The following KRT72 variants were observed in gnomAD, a reference collection of about 807,000 sequenced individuals.
The protein encoded by KRT72 is keratin 72, also known as keratin, type II cytoskeletal 72.
A neutral mutation model predicts 44.7 loss-of-function variants in KRT72; 44 were observed. That is an observed-to-expected ratio of 0.98 (90% confidence interval 0.77 to 1.27). The LOEUF is 1.27. Among genes scored for constraint, KRT72 ranks in the 50% most tolerant of loss-of-function variants. The pLI is 0.00. For synonymous variants in KRT72, 302 were observed against 280.4 expected (o/e 1.08, Z -0.77); for missense variants, 736 against 667.1 (o/e 1.10, Z -1.14).
In KRT72 at chr12:52,591,565, G is replaced by C. The variant is rs756736404; in HGVS notation, c.862C>G (p.Arg288Gly). The change falls in exon 5 of 9, where the codon CGG (arginine) becomes GGG (glycine). Residue 288 changes from arginine (R) to glycine (G), a missense_variant. Arg to Gly is a moderately radical substitution (Grantham distance 125, BLOSUM62 -2). Transcript: ENST00000293745. ...ATGATGCTGTCCAGGTCCAGATCCC[G>C]GTTGTTGTCCATTGACAGGACGATG... ...TSIVLSMDNN[R>G]DLDLDSIIAE... 6.2e-7 allele frequency: 1 copy of C among 1,613,992 alleles called. No individual in the cohort carries two copies. The highest frequency in any genetic ancestry group is 8.5e-7 in the Non-Finnish European group (1 of 1,179,892).
At chr12:52,592,284 G>C in intron 4 of KRT72, 112 bp downstream of exon 4, 1 of 751,962 alleles carries the variant, frequency 1.3e-6, no homozygotes, top group South Asian at 1.5e-5. Context: ...AGGGGCACCA[G>C]GTTGAAAGCT....
chr12:52,591,314 G>T (rs538335907), intron 5 of KRT72, 150 bp downstream of exon 5: 1 of 819,942 alleles, frequency 1.2e-6, no homozygotes, highest in Non-Finnish European at 1.8e-6. Flanking sequence ...TGGCATTTCC[G>T]CAAGGCCCAA....
chr12:52,595,284 ATAAT>A (rs1940194630), intron 2 of KRT72, among the ~76,000 whole-genome samples: 1 of 152,116 alleles, frequency 6.6e-6, no homozygotes, highest in Non-Finnish European at 1.5e-5. Flanking sequence ...ATTACAATGA[ATAAT>A]TAAAAGTTAA....
chr12:52,601,644 G>A, upstream of KRT72: 3 of 598,764 alleles, frequency 5.0e-6, no homozygotes, highest in Non-Finnish European at 8.6e-6. Flanking sequence ...CACTCACCGA[G>A]ATTTTTGTCT....
chr12:52,594,197 G>A (rs1474686394), intron 2 of KRT72, among the ~76,000 whole-genome samples: 1 of 152,216 alleles, frequency 6.6e-6, no homozygotes, highest in African/African-American at 2.4e-5. Context: ...ACTGTTGAGT[G>A]TGGCAATTCC....
At position 52,591,625 on chromosome 12, in the gene KRT72, T is replaced by A; in HGVS notation, c.802A>T (p.Ile268Phe). The stretch of plus-strand genomic sequence containing the variant: ...CTGATGTGGGACTGGATCTGAGTGA[T>A]CTCCTGGGGACGGTTGGGGGAGGGG... The part of the protein sequence containing the change: ...KFFKCLYEGE[I>F]TQIQSHISDT... Residue 268 changes from isoleucine to phenylalanine, a missense_variant, in exon 5 of 9, where the codon ATC becomes TTC. Physicochemically the swap from Ile to Phe is conservative, Grantham distance 21 (BLOSUM62 0). Coordinates refer to ENST00000293745, the MANE Select transcript of KRT72 (RefSeq NM_080747.3). 1.2e-6 allele frequency: 2 copies of A among 1,610,048 alleles called. No individual in the cohort carries two copies. The highest frequency in any genetic ancestry group is 2.2e-5 in the East Asian group (1 of 44,782).
chr12:52,588,652 C>A (rs1451417560), intron 6 of KRT72, among the ~76,000 whole-genome samples: 1 of 152,058 alleles, frequency 6.6e-6, no homozygotes. Context: ...CTGCACATCC[C>A]GTACATGTAC....
Position 52,601,313 on chromosome 12 carries a change from T to G in KRT72, c.140A>C (p.Lys47Thr). The G allele has an allele frequency of 6.5e-7, 1 of 1,547,724 alleles. No homozygotes were observed. ...RVKGSASFGS[K>T]SLSCLGGSRS... ...GCTGCCCCCAAGGCAGGAGAGGCTC[T>G]TGCTGCCAAAGGAGGCCGAGCCCTT... is the stretch of plus-strand genomic sequence containing the variant. Residue 47 changes from lysine (K) to threonine (T), a missense_variant, in exon 1 of 9, where the codon AAG becomes ACG. Physicochemically the swap from Lys to Thr is moderately conservative, Grantham distance 78 (BLOSUM62 -1). Coordinates refer to ENST00000293745, the MANE Select transcript of KRT72 (RefSeq NM_080747.3).
intron 6 of KRT72, among the ~76,000 whole-genome samples, chr12:52,588,918 T>G (rs1183835777): frequency 2.6e-5 from 4 of 152,046 alleles, no homozygotes; most frequent in Non-Finnish European, 5.9e-5. Flanking sequence ...GAGAGTCACT[T>G]GAACCCAGGA....
chr12:52,601,057 T>C lies in KRT72; in HGVS notation c.396A>G (p.Leu132=), dbSNP rs556488312. The C allele has an allele frequency of 1.2e-5, 20 of 1,612,140 alleles. No individual in the cohort carries two copies. In the South Asian group the frequency reaches 1.9e-4, roughly 15 times the overall value. The change falls in exon 1 of 9, where the codon CTA becomes CTG. Residue 132 remains leucine, a synonymous_variant. Transcript: ENST00000293745. ...RAQEREQIKA[L]NNKFASFIDK... ...CGATGAAGGAGGCGAACTTGTTGTT[T>C]AGCGCCTTGATCTGCTCCCGCTCCT... is the stretch of plus-strand genomic sequence containing the variant.
At chr12:52,595,108 GAA>G (rs1207833694) in intron 2 of KRT72, among the ~76,000 whole-genome samples, 2 of 152,014 alleles carry the variant, frequency 1.3e-5, no homozygotes, top group African/African-American at 4.8e-5. Flanking sequence ...AAAATACATA[GAA>G]AACTTTTGAC....
chr12:52,601,211 C>A lies in KRT72; in HGVS notation c.242G>T (p.Ser81Ile). The A allele has an allele frequency of 6.2e-7, 1 of 1,608,598 alleles. No individual in the cohort carries two copies. The highest frequency in any genetic ancestry group is 1.1e-5 in the South Asian group (1 of 90,708). ...LGGFVGTAFGSAGLGPKCPSV... is the reference protein window; with the variant it reads ...LGGFVGTAFGIAGLGPKCPSV... The stretch of plus-strand genomic sequence containing the variant: ...GGGACACTTGGGCCCCAGCCCGGCG[C>A]TGCCGAAGGCGGTGCCCACGAAGCC... Residue 81 changes from serine (S) to isoleucine (I), a missense_variant, in exon 1 of 9, where the codon AGC becomes ATC. Coordinates refer to ENST00000293745, the MANE Select transcript of KRT72 (RefSeq NM_080747.3).
chr12:52,592,315 T>A, intron 4 of KRT72, 81 bp downstream of exon 4: 1 of 982,920 alleles, frequency 1.0e-6, no homozygotes, highest in Non-Finnish European at 1.6e-6. Flanking sequence ...CAATTCTTGG[T>A]CCACACCACC....
chr12:52,594,027 T>C (rs913742988), intron 2 of KRT72, among the ~76,000 whole-genome samples: 8 of 152,228 alleles, frequency 5.3e-5, no homozygotes. Context: ...ATGGTTAAGA[T>C]GGTAAATTTT....
intron 1 of KRT72, 54 bp downstream of exon 1, chr12:52,600,973 C>G: frequency 6.3e-7 from 1 of 1,576,492 alleles, no homozygotes; most frequent in Non-Finnish European, 8.6e-7. Flanking sequence ...GCAGAGCCAG[C>G]ACCACTGTGC....
rs373611213 is a variant in KRT72, at chr12:52,585,767, C to T, written c.*215G>A. Reference sequence around the variant, plus strand: ...CTTTGCATTTCAGGCAATGACCCAACGAAACGGGACCAAGAAGGAGGCCAC... The same window carrying T: ...CTTTGCATTTCAGGCAATGACCCAATGAAACGGGACCAAGAAGGAGGCCAC... On this transcript the variant is annotated 3_prime_UTR_variant, in exon 9 of 9. Transcript: ENST00000293745. 2.8e-5 allele frequency: 15 copies of T among 537,698 alleles called. No homozygotes were observed. The highest frequency in any genetic ancestry group is 7.6e-5 in the African/African-American group (4 of 52,466). 33.3% of individuals were successfully genotyped at this position (537,698 alleles called of 1,614,324 possible).
At chr12:52,598,741 T>C (rs1940304437) in intron 2 of KRT72, among the ~76,000 whole-genome samples, 157 bp downstream of exon 2, 1 of 152,146 alleles carries the variant, frequency 6.6e-6, no homozygotes, top group Admixed American at 6.5e-5. Context: ...GGAGAACCGG[T>C]GTAGGTAGAT....
In KRT72 at chr12:52,587,801, G is replaced by T. The variant is rs199978375; in HGVS notation, c.1140C>A (p.Cys380Ter). The change falls in exon 7 of 9, where the codon TGC (cysteine) becomes TGA (stop). Residue 380 changes from cysteine (C) to a stop codon, truncating the protein, a stop_gained. Transcript: ENST00000293745. LOFTEE classifies it high-confidence loss of function. ...AIADAEQRGD[C>*]ALKDARAKLD... ...GCTTGGCCCGGGCATCTTTCAGGGC[G>T]CAGTCCCCCCGCTGTTCAGCGTCGG... The T allele has an allele frequency of 8.1e-6, 13 of 1,614,162 alleles. No individual in the cohort carries two copies. Among genetic ancestry groups the T allele is most frequent in the Non-Finnish European group, 1.1e-5 (13 of 1,180,022 alleles).
Position 52,601,332 on chromosome 12 carries a change from A to C in KRT72, c.121T>G (p.Ser41Ala). The C allele has an allele frequency of 6.5e-7, 1 of 1,545,810 alleles. No individual in the cohort carries two copies. ...AGGCTCTTGCTGCCAAAGGAGGCCG[A>C]GCCCTTGACCCGGGCCCGGAATGAG... ...SASFRARVKGSASFGSKSLSC... is the reference protein window; with the variant it reads ...SASFRARVKGAASFGSKSLSC... Residue 41 changes from serine (S) to alanine (A), a missense_variant, in exon 1 of 9, where the codon TCG (serine) becomes GCG (alanine). Transcript: ENST00000293745.
Sources: gnomAD v4.1 joint callset for allele counts (sites outside exome capture counted in the v4.1 genomes callset) on GRCh38, gnomAD v4.1.1 for gene constraint, MANE v1.5 for transcripts, NCBI Gene and HGNC (gene_info 2026-07-23, HGNC 2026-07-21) for gene names.